Variants in CTNNBIP1 observed in about 807,000 individuals in gnomAD.
CTNNBIP1 encodes catenin beta interacting protein 1.
Under a neutral mutation model 11.8 loss-of-function variants are expected in CTNNBIP1, and 7 were observed. The observed-to-expected ratio is 0.60, with a 90% CI of 0.34 to 1.12. The LOEUF is 1.12. CTNNBIP1 is among the 50% of genes most tolerant of loss of function. The probability of loss-of-function intolerance (pLI) is 0.03; values close to 1 mark genes in which losing one functional copy is unlikely to be tolerated. For missense variants in CTNNBIP1, 101 were observed against 113.4 expected (o/e 0.89, Z 0.50); for synonymous variants, 58 against 43.9 (o/e 1.32, Z -1.26).
intron 5 of CTNNBIP1, among the ~76,000 whole-genome samples, chr1:9,864,179 G>A (rs939064340): frequency 2.6e-5 from 4 of 152,108 alleles, no homozygotes; most frequent in African/African-American, 9.7e-5. Context: ...GAGCCCCGGT[G>A]CCAGCACACA....
chr1:9,890,434 C>T (rs754078928), intron 1 of CTNNBIP1, among the ~76,000 whole-genome samples: 1 of 152,106 alleles, frequency 6.6e-6, no homozygotes, highest in Admixed American at 6.6e-5. Context: ...AAAAGAGGTT[C>T]TTTTTTCTTC....
At chr1:9,856,355 A>G (rs2101437100) in intron 5 of CTNNBIP1, among the ~76,000 whole-genome samples, 1 of 152,202 alleles carries the variant, frequency 6.6e-6, no homozygotes, top group East Asian at 1.9e-4. Flanking sequence ...AAGCAACAGA[A>G]AAAAATAAAT....
Position 9,871,319 on chromosome 1 carries a change from G to T in CTNNBIP1, c.97-42C>A. ...CTGTGGTGAGGGGCAGCATGCACCT[G>T]TTCCCTGAAAGGCACCTGCACCCCT... On this transcript the variant is annotated intron_variant, in intron 4 of 5. Transcript: ENST00000377263. This position sits in a 1 kb window ranked among gnomAD's most constrained non-coding sequence, Gnocchi z 5.2. 1 of 1,458,966 alleles carries T rather than the reference G, an allele frequency of 6.9e-7. No homozygotes were observed. The highest frequency in any genetic ancestry group is 9.4e-7 in the Non-Finnish European group (1 of 1,066,084). The allele number at this position is 1,458,966 out of a possible 1,614,324, so 90.4% of individuals were successfully genotyped here.
At chr1:9,890,038 T>C (rs551170723) in intron 1 of CTNNBIP1, among the ~76,000 whole-genome samples, 5 of 152,334 alleles carry the variant, frequency 3.3e-5, no homozygotes, top group Non-Finnish European at 7.4e-5. Flanking sequence ...ACCAAGGAGC[T>C]GGAGGAACCT....
intron 1 of CTNNBIP1, among the ~76,000 whole-genome samples, chr1:9,899,360 G>A (rs181601267): frequency 2.6e-5 from 4 of 151,098 alleles, no homozygotes; most frequent in African/African-American, 7.3e-5. Context: ...GGAGGCTGAG[G>A]CAGGAGAATC....
chr1:9,888,429 CA>C (rs905794172), intron 1 of CTNNBIP1, among the ~76,000 whole-genome samples: 2 of 151,370 alleles, frequency 1.3e-5, no homozygotes, highest in Non-Finnish European at 2.9e-5. Flanking sequence ...TAAAAAATAC[CA>C]AAAATTAGCT....
chr1:9,850,634 G>A lies in CTNNBIP1; in HGVS notation c.*84C>T, dbSNP rs902606149. The A allele has an allele frequency of 1.6e-6, 2 of 1,283,652 alleles. No individual in the cohort carries two copies. The highest frequency in any genetic ancestry group is 2.9e-5 in the African/African-American group (2 of 68,434). 79.5% of individuals were successfully genotyped at this position (1,283,652 alleles called of 1,614,324 possible). A position where few individuals can be genotyped will look rare whatever the true frequency, so the allele number is the denominator to read the frequency against. Reference sequence around the variant, plus strand: ...GGGGAAGGGGGAGGTGGGGCAAGGGGGGCTGCTGCCACTCAGCCGGCCCAG... The same window carrying A: ...GGGGAAGGGGGAGGTGGGGCAAGGGAGGCTGCTGCCACTCAGCCGGCCCAG... On this transcript the variant is annotated 3_prime_UTR_variant, in exon 6 of 6. Coordinates refer to ENST00000377263, the MANE Select transcript of CTNNBIP1 (RefSeq NM_020248.3).
At chr1:9,891,278 G>A (rs1209813512) in intron 1 of CTNNBIP1, among the ~76,000 whole-genome samples, 7 of 152,116 alleles carry the variant, frequency 4.6e-5, no homozygotes, top group Middle Eastern at 3.2e-3. Context: ...GCAGGCCTGG[G>A]CATGGCCCGG....
At chr1:9,881,051 T>C (rs1450496273) in intron 2 of CTNNBIP1, among the ~76,000 whole-genome samples, 1 of 152,146 alleles carries the variant, frequency 6.6e-6, no homozygotes, top group Non-Finnish European at 1.5e-5. Context: ...TTTTTTCTTT[T>C]GAGAGAGAGG....
rs972262977 is a variant in CTNNBIP1, at chr1:9,871,775, C to G, written c.96+194G>C. On this transcript the variant is annotated intron_variant, in intron 4 of 5. Coordinates refer to ENST00000377263, the MANE Select transcript of CTNNBIP1 (RefSeq NM_020248.3). This position sits in a 1 kb window ranked among gnomAD's most constrained non-coding sequence, Gnocchi z 5.2. ...CCGGCAGTGTCGGGTGTCCCCAGAA[C>G]TTGACGTGCTGGGCTCTGTGCCTAG... Among the ~76,000 whole-genome samples the G allele has an allele frequency of 5.3e-5, 8 of 152,154 alleles. No homozygotes were observed. Among genetic ancestry groups the G allele is most frequent in the Non-Finnish European group, 7.4e-5 (5 of 68,014 alleles).
chr1:9,880,024 G>A (rs1040963131), intron 2 of CTNNBIP1, among the ~76,000 whole-genome samples: 1 of 152,082 alleles, frequency 6.6e-6, no homozygotes, highest in African/African-American at 2.4e-5. Flanking sequence ...GGTTACACAG[G>A]TATGTACGCA....
At chr1:9,870,076 A>G (rs60624175) in intron 5 of CTNNBIP1, among the ~76,000 whole-genome samples, 7,448 of 152,310 alleles carry the variant, frequency 0.049, 500 homozygotes, top group East Asian at 0.22. Flanking sequence ...CACACCCAGC[A>G]TCGGTGCTTG....
chr1:9,871,196 T>C lies in CTNNBIP1; in HGVS notation c.178A>G (p.Ile60Val). The C allele has an allele frequency of 6.4e-7, 1 of 1,574,040 alleles. No homozygotes were observed. The highest frequency in any genetic ancestry group is 8.6e-7 in the Non-Finnish European group (1 of 1,160,408). Residue 60 changes from isoleucine to valine, a missense_variant, in exon 5 of 6, where the codon ATC becomes GTC. Coordinates refer to ENST00000377263, the MANE Select transcript of CTNNBIP1 (RefSeq NM_020248.3). This position sits in a 1 kb window ranked among gnomAD's most constrained non-coding sequence, Gnocchi z 5.2. ...SQLSQLPPHSIDQGAEDVVMA... is the reference protein window; with the variant it reads ...SQLSQLPPHSVDQGAEDVVMA... ...TCTGCCGCCAACTCACCCTGGTCGA[T>C]GGAGTGCGGAGGCAGCTGGCTGAGC...
intron 1 of CTNNBIP1, among the ~76,000 whole-genome samples, chr1:9,907,060 AAAG>A (rs1639633154): frequency 6.6e-6 from 1 of 152,210 alleles, no homozygotes; most frequent in Non-Finnish European, 1.5e-5. Flanking sequence ...CTTAACCATA[AAAG>A]AAGGGGCTGG....
chr1:9,880,955 G>A (rs1017235484), intron 2 of CTNNBIP1, among the ~76,000 whole-genome samples: 3 of 152,208 alleles, frequency 2.0e-5, no homozygotes, highest in African/African-American at 7.2e-5. Context: ...TCCTGGGCCT[G>A]AGGCCTGGAC....
rs1004741773 is a variant in CTNNBIP1 at position 9,867,113 on chromosome 1, A to G, written c.187+4074T>C. Reference sequence around the variant, plus strand: ...CAGCACTGCGTGTGGAACAGGGAGAAGAGAGGGGGCAACCCTGGAGGATGA... The same window carrying G: ...CAGCACTGCGTGTGGAACAGGGAGAGGAGAGGGGGCAACCCTGGAGGATGA... On this transcript the variant is annotated intron_variant, in intron 5 of 5. Transcript: ENST00000377263. This position sits in a 1 kb window ranked among gnomAD's most constrained non-coding sequence, Gnocchi z 4.6. 6.6e-6 allele frequency among the ~76,000 whole-genome samples: 1 copy of G among 152,166 alleles called. No individual in the cohort carries two copies. Among genetic ancestry groups the G allele is most frequent in the African/African-American group, 2.4e-5 (1 of 41,440 alleles).
At chr1:9,876,841 T>TACAC (rs1368991651) in intron 3 of CTNNBIP1, among the ~76,000 whole-genome samples, 1 of 97,312 alleles carries the variant, frequency 1.0e-5, no homozygotes, top group African/African-American at 5.0e-5. Context: ...ACTCCTGCTA[T>TACAC]ACATACACAC....
intron 1 of CTNNBIP1, among the ~76,000 whole-genome samples, chr1:9,906,641 T>C (rs548118444): frequency 6.6e-6 from 1 of 152,254 alleles, no homozygotes; most frequent in South Asian, 2.1e-4. Flanking sequence ...GCAGCAGCTG[T>C]TCCCCACAGG....
intron 3 of CTNNBIP1, among the ~76,000 whole-genome samples, chr1:9,873,143 T>C (rs900364809): frequency 1.3e-5 from 2 of 152,126 alleles, no homozygotes; most frequent in Non-Finnish European, 2.9e-5. Flanking sequence ...TGTAGGTACT[T>C]GTCAACTGCT....
Sources: gnomAD v4.1 joint callset for allele counts (sites outside exome capture counted in the v4.1 genomes callset) on GRCh38, gnomAD v4.1.1 for gene constraint, Gnocchi (gnomAD v3.1) non-coding constraint, MANE v1.5 for transcripts, NCBI Gene and HGNC (gene_info 2026-07-23, HGNC 2026-07-21) for gene names.